RNF185: variants seen among roughly 807,000 people sequenced by gnomAD.
RNF185 encodes ring finger protein 185, also known as E3 ubiquitin-protein ligase RNF185.
In RNF185, 13 loss-of-function variants were observed where a neutral mutation model predicts 24.9. The ratio of observed to expected loss-of-function variants is 0.52; its 90% CI spans 0.34 to 0.83. The LOEUF (loss-of-function observed/expected upper bound fraction) is 0.83, where lower values mean the gene tolerates loss of function less well. Among genes scored for constraint, RNF185 ranks in the 40% least tolerant of loss-of-function variants. RNF185 has a pLI of 0.01. For synonymous variants in RNF185, 79 were observed against 90.3 expected, an observed-to-expected ratio of 0.88 and a Z score of 0.71; for missense variants, 184 against 244.7, an observed-to-expected ratio of 0.75 and a Z score of 1.65.
intron 1 of RNF185, among the ~76,000 whole-genome samples, chr22:31,184,064 C>T (rs2048070002): frequency 6.6e-6 from 1 of 150,968 alleles, no homozygotes; most frequent in Admixed American, 6.6e-5. Context: ...GGGGGCTGCC[C>T]CTCCCTTCCC....
chr22:31,167,610 C>CTTT lies in RNF185; in HGVS notation c.-49+7326_-49+7328dup, dbSNP rs150121453. The stretch of plus-strand genomic sequence containing the variant: ...TATGGAAACGTAGGGGGGTTTTTTC[C>CTTT]TTTTTTTTTTTTTTTTTTTTTGAGA... On this transcript the variant is annotated intron_variant, in intron 1 of 6. Transcript: ENST00000326132. Among the ~76,000 whole-genome samples the CTTT allele has an allele frequency of 3.5e-3, 379 of 107,340 alleles. 3 individuals carry two copies. Among genetic ancestry groups the CTTT allele is most frequent in the African/African-American group, 4.9e-3 (125 of 25,286 alleles). 70.4% of individuals were successfully genotyped at this position (107,340 alleles called of 152,430 possible).
intron 5 of RNF185, among the ~76,000 whole-genome samples, chr22:31,197,640 C>T (rs902967540): frequency 4.6e-5 from 7 of 152,194 alleles, no homozygotes; most frequent in African/African-American, 1.7e-4. Flanking sequence ...ACTGTAGCCT[C>T]GACCTCCTGG....
chr22:31,167,589 GAA>G (rs1204091294), intron 1 of RNF185, among the ~76,000 whole-genome samples: 2 of 148,510 alleles, frequency 1.3e-5, no homozygotes, highest in African/African-American at 2.5e-5. Flanking sequence ...ACCTTTTATG[GAA>G]ACGTAGGGGG....
At chr22:31,202,199 T>G (rs1480909628) in intron 6 of RNF185, among the ~76,000 whole-genome samples, 1 of 152,046 alleles carries the variant, frequency 6.6e-6, no homozygotes, top group Non-Finnish European at 1.5e-5. Context: ...TGCTTGAAAG[T>G]GCCATCCGCA....
chr22:31,168,934 G>GTC (rs1013050120), intron 1 of RNF185, among the ~76,000 whole-genome samples: 15 of 151,648 alleles, frequency 9.9e-5, no homozygotes, highest in South Asian at 4.2e-4. Flanking sequence ...TTGAGACAGA[G>GTC]TCTCTCTCTC....
intron 2 of RNF185, among the ~76,000 whole-genome samples, chr22:31,187,809 C>G (rs994046483): frequency 6.6e-6 from 1 of 152,184 alleles, no homozygotes; most frequent in Non-Finnish European, 1.5e-5. Flanking sequence ...TAGATAGATA[C>G]ACTCATCAAA....
At chr22:31,195,625 T>A (rs1442313656) in intron 4 of RNF185, 44 bp downstream of exon 4, 2 of 1,275,736 alleles carry the variant, frequency 1.6e-6, no homozygotes, top group Non-Finnish European at 2.2e-6. Flanking sequence ...TCCCCTTGGA[T>A]GTGAATTCAC....
intron 5 of RNF185, chr22:31,197,245 A>G (rs1042600755): frequency 1.5e-5 from 6 of 401,312 alleles, no homozygotes; most frequent in Non-Finnish European, 2.7e-5. Flanking sequence ...CTGTGCGTGT[A>G]TTTTACAGAT....
intron 1 of RNF185, among the ~76,000 whole-genome samples, chr22:31,161,966 G>T (rs1023600396): frequency 6.7e-6 from 1 of 148,304 alleles, no homozygotes; most frequent in Admixed American, 7.0e-5. Context: ...CAAGTGATCC[G>T]CCTGCCTCAG....
chr22:31,192,568 T>C (rs1455659352), intron 2 of RNF185, 116 bp from the exon 3 acceptor site: 2 of 863,596 alleles, frequency 2.3e-6, no homozygotes, highest in African/African-American at 3.3e-5. Context: ...ACTCCTGTTT[T>C]CTCATTCTGC....
At chr22:31,188,057 A>G (rs1032361911) in intron 2 of RNF185, among the ~76,000 whole-genome samples, 1 of 152,120 alleles carries the variant, frequency 6.6e-6, no homozygotes, top group African/African-American at 2.4e-5. Context: ...AGGCACATGC[A>G]CTGTTGGACT....
At chr22:31,170,457 G>A (rs1353988573) in intron 1 of RNF185, among the ~76,000 whole-genome samples, 2 of 152,106 alleles carry the variant, frequency 1.3e-5, no homozygotes, top group African/African-American at 4.8e-5. Flanking sequence ...CCAAAGTGCT[G>A]GGATTACAGG....
At chr22:31,164,248 T>C (rs904350570) in intron 1 of RNF185, among the ~76,000 whole-genome samples, 41 of 152,200 alleles carry the variant, frequency 2.7e-4, no homozygotes, top group African/African-American at 9.9e-4. Flanking sequence ...CCCAAAGTGC[T>C]GGGATTACAG....
chr22:31,197,130 A>C, intron 5 of RNF185, 140 bp downstream of exon 5: 1 of 1,284,698 alleles, frequency 7.8e-7, no homozygotes, highest in Admixed American at 2.4e-5. Flanking sequence ...GGGGGAAAAA[A>C]ATCACTTATA....
At chr22:31,165,588 C>T (rs1315914068) in intron 1 of RNF185, among the ~76,000 whole-genome samples, 2 of 152,194 alleles carry the variant, frequency 1.3e-5, no homozygotes, top group African/African-American at 4.8e-5. Context: ...TTTGGACATA[C>T]TAAAGCACAA....
chr22:31,172,468 G>C (rs1449975822), intron 1 of RNF185, among the ~76,000 whole-genome samples: 1 of 152,024 alleles, frequency 6.6e-6, no homozygotes, highest in Non-Finnish European at 1.5e-5. Flanking sequence ...TAACAACAAG[G>C]CTGGGCGCGG....
chr22:31,198,386 T>C (rs2048227360), intron 5 of RNF185, among the ~76,000 whole-genome samples: 1 of 144,414 alleles, frequency 6.9e-6, no homozygotes, highest in Non-Finnish European at 1.5e-5. Context: ...AATAACCATC[T>C]TTGCACACTT....
intron 1 of RNF185, among the ~76,000 whole-genome samples, chr22:31,184,494 C>A (rs574084459): frequency 1.9e-4 from 29 of 152,210 alleles, no homozygotes; most frequent in African/African-American, 7.0e-4. Context: ...CAGAGACGCT[C>A]CTCACTTCCT....
chr22:31,162,910 G>A (rs781191936), intron 1 of RNF185, among the ~76,000 whole-genome samples: 4 of 151,598 alleles, frequency 2.6e-5, no homozygotes, highest in Non-Finnish European at 2.9e-5. Flanking sequence ...GACTACAGGC[G>A]CCCACCCCGA....
Sources: allele counts gnomAD v4.1 joint callset (sites outside exome capture counted in the v4.1 genomes callset), GRCh38; gene constraint gnomAD v4.1.1; transcripts MANE v1.5; gene names NCBI Gene and HGNC (gene_info 2026-07-23, HGNC 2026-07-21).